GPC5: variants seen among roughly 807,000 people sequenced by gnomAD.
The protein encoded by GPC5 is glypican-5.
Under a neutral mutation model 53.9 loss-of-function variants are expected in GPC5, and 47 were observed. The ratio of observed to expected loss-of-function variants is 0.87; its 90% CI spans 0.69 to 1.11. The LOEUF is 1.11. Ranked by LOEUF, GPC5 falls within the 50% of genes most tolerant of loss-of-function variation. The probability of loss-of-function intolerance (pLI) is 0.00; values close to 1 mark genes in which losing one functional copy is unlikely to be tolerated. For synonymous variants in GPC5, 286 were observed against 263.3 expected (o/e 1.09, Z -0.84); for missense variants, 748 against 713.1 (o/e 1.05, Z -0.56).
chr13:92,631,879 C>T lies in GPC5; in HGVS notation c.1562-234403C>T, dbSNP rs142008522. ...GAAAATTAAAATTAACATGAGGCTA[C>T]ATGTAAATCAATTTTGTTTAGACTT... is the stretch of plus-strand genomic sequence containing the variant. On this transcript the variant is annotated intron_variant, in intron 7 of 7. Transcript: ENST00000377067. Among the ~76,000 whole-genome samples, 906 of 152,260 alleles carry T rather than the reference C, an allele frequency of 6.0e-3. 5 individuals are homozygous for T. The highest frequency in any genetic ancestry group is 7.2e-3 in the Non-Finnish European group (490 of 68,012).
At chr13:91,448,629 T>C (rs1438021148) in intron 1 of GPC5, 132 bp from the exon 2 acceptor site, 22 of 793,334 alleles carry the variant, frequency 2.8e-5, no homozygotes, top group Middle Eastern at 5.0e-4. Context: ...AACTTTCTTA[T>C]AGCAAGTACT....
intron 7 of GPC5, among the ~76,000 whole-genome samples, chr13:92,710,268 G>C (rs908147998): frequency 6.6e-6 from 1 of 151,982 alleles, no homozygotes; most frequent in African/African-American, 2.4e-5. Context: ...CCAACAGATT[G>C]GTATTACTAA....
chr13:92,284,569 A>T (rs1475724936), intron 7 of GPC5, among the ~76,000 whole-genome samples: 1 of 152,176 alleles, frequency 6.6e-6, no homozygotes, highest in Non-Finnish European at 1.5e-5. Flanking sequence ...CATCCCTGGG[A>T]TGCAAGGCTG....
intron 7 of GPC5, among the ~76,000 whole-genome samples, chr13:92,737,370 C>T (rs758514518): frequency 3.9e-5 from 6 of 151,964 alleles, no homozygotes; most frequent in Admixed American, 6.6e-5. Flanking sequence ...GCTTCAGGCC[C>T]GTCAGGAATT....
intron 7 of GPC5, among the ~76,000 whole-genome samples, chr13:92,596,999 G>A (rs1053471052): frequency 8.5e-5 from 13 of 152,214 alleles, no homozygotes; most frequent in Middle Eastern, 3.4e-3. Flanking sequence ...AAGTTCTTCC[G>A]TTGTTTGTTA....
At chr13:92,167,444 G>A (rs924425380) in intron 7 of GPC5, among the ~76,000 whole-genome samples, 1 of 151,998 alleles carries the variant, frequency 6.6e-6, no homozygotes, top group Non-Finnish European at 1.5e-5. Context: ...CAATGCAAAT[G>A]ATTGAAGCTG....
chr13:91,751,201 A>G (rs903536735), intron 4 of GPC5, among the ~76,000 whole-genome samples: 2 of 152,188 alleles, frequency 1.3e-5, no homozygotes, highest in East Asian at 3.9e-4. Flanking sequence ...ACCAAAACCC[A>G]TCTTAATAAT....
At chr13:91,436,031 A>T (rs991364428) in intron 1 of GPC5, among the ~76,000 whole-genome samples, 12 of 152,102 alleles carry the variant, frequency 7.9e-5, no homozygotes, top group African/African-American at 2.9e-4. Flanking sequence ...ATTGGTGGTG[A>T]TATCCCCTTT....
chr13:92,605,302 A>G (rs1413264926), intron 7 of GPC5, among the ~76,000 whole-genome samples: 1 of 152,208 alleles, frequency 6.6e-6, no homozygotes, highest in Non-Finnish European at 1.5e-5. Flanking sequence ...ATGGTTTGTG[A>G]TAAAAAGTAT....
At chr13:92,649,409 A>G (rs1885883919) in intron 7 of GPC5, among the ~76,000 whole-genome samples, 1 of 152,144 alleles carries the variant, frequency 6.6e-6, no homozygotes, top group African/African-American at 2.4e-5. Context: ...CTCTATTTGT[A>G]TATCTCCACT....
chr13:92,309,201 T>G (rs2043130205), intron 7 of GPC5, among the ~76,000 whole-genome samples: 1 of 152,118 alleles, frequency 6.6e-6, no homozygotes, highest in African/African-American at 2.4e-5. Context: ...ATGTGCAATT[T>G]CTGATTGTAA....
intron 7 of GPC5, among the ~76,000 whole-genome samples, chr13:92,534,465 T>C (rs569607028): frequency 6.5e-4 from 99 of 152,306 alleles, no homozygotes; most frequent in African/African-American, 2.2e-3. Context: ...TTCTGCCTCA[T>C]AACAGTAACT....
intron 7 of GPC5, among the ~76,000 whole-genome samples, chr13:92,450,859 T>C (rs566839669): frequency 6.6e-6 from 1 of 150,756 alleles, no homozygotes; most frequent in South Asian, 2.1e-4. Flanking sequence ...GGTTTCATTG[T>C]TGTTGTTGTT....
At chr13:92,366,519 T>C (rs1199420087) in intron 7 of GPC5, among the ~76,000 whole-genome samples, 1 of 151,878 alleles carries the variant, frequency 6.6e-6, no homozygotes, top group Non-Finnish European at 1.5e-5. Context: ...TTTATTTTTC[T>C]GAAATTCTTT....
At chr13:92,129,887 G>A (rs1471518462) in intron 6 of GPC5, among the ~76,000 whole-genome samples, 1 of 152,060 alleles carries the variant, frequency 6.6e-6, no homozygotes, top group African/African-American at 2.4e-5. Flanking sequence ...AAGTGAGAGA[G>A]AATAGAGAAT....
intron 1 of GPC5, among the ~76,000 whole-genome samples, chr13:91,429,722 T>A (rs987077416): frequency 6.6e-6 from 1 of 152,198 alleles, no homozygotes; most frequent in Non-Finnish European, 1.5e-5. Context: ...CTCTCAATAT[T>A]CATTATGCAA....
chr13:92,831,885 T>C (rs1041774047), intron 7 of GPC5, among the ~76,000 whole-genome samples: 3 of 152,156 alleles, frequency 2.0e-5, no homozygotes, highest in African/African-American at 7.2e-5. Flanking sequence ...GTAATGATGA[T>C]TGTGTTTTTG....
In GPC5 at chr13:91,665,218, A is replaced by G. The variant is rs924856392; in HGVS notation, c.326-27969A>G. 2.6e-5 allele frequency among the ~76,000 whole-genome samples: 4 copies of G among 152,094 alleles called. 1 individual carries two copies. In the South Asian group the frequency reaches 8.3e-4, roughly 32 times the overall value. ...CAAAATGCTTTCAAGGCTTCTCCGTATTTTTTCTTCATTTTAGCTTATCTA... is the reference window on the plus strand; with the variant it reads ...CAAAATGCTTTCAAGGCTTCTCCGTGTTTTTTCTTCATTTTAGCTTATCTA... On this transcript the variant is annotated intron_variant, in intron 2 of 7. Coordinates refer to ENST00000377067, the MANE Select transcript of GPC5 (RefSeq NM_004466.6).
chr13:92,351,936 T>C (rs1255094685), intron 7 of GPC5, among the ~76,000 whole-genome samples: 3 of 152,302 alleles, frequency 2.0e-5, no homozygotes, highest in East Asian at 1.9e-4. Flanking sequence ...AATTCCGAAG[T>C]AATTATTTAT....
Sources: allele counts gnomAD v4.1 joint callset (sites outside exome capture counted in the v4.1 genomes callset), GRCh38; gene constraint gnomAD v4.1.1; transcripts MANE v1.5; gene names NCBI Gene and HGNC (gene_info 2026-07-23, HGNC 2026-07-21).